TCF4: variants seen among roughly 807,000 people sequenced by gnomAD.
The protein encoded by TCF4 is SL3-3 enhancer factor 2.
In TCF4, 3 loss-of-function variants were observed where a neutral mutation model predicts 82.1. The observed-to-expected ratio is 0.04, with a 90% confidence interval of 0.02 to 0.09. The LOEUF is 0.09. Ranked by LOEUF, TCF4 falls within the 10% of genes least tolerant of loss-of-function variation. The pLI is 1.00. For synonymous variants in TCF4, 276 were observed against 309.6 expected, an observed-to-expected ratio of 0.89 and a Z score of 1.14; for missense variants, 518 against 852.7, an observed-to-expected ratio of 0.61 and a Z score of 4.89.
At chr18:55,422,102 A>C (rs949805256) in intron 5 of TCF4, 211 of 648,482 alleles carry the variant, frequency 3.3e-4, no homozygotes, top group Middle Eastern at 7.8e-4. Flanking sequence ...AAAAAGCACA[A>C]AAAAAAAAAA....
At chr18:55,444,078 C>G (rs1240966163) in intron 5 of TCF4, among the ~76,000 whole-genome samples, 1 of 152,176 alleles carries the variant, frequency 6.6e-6, no homozygotes. Context: ...CATCTCACTT[C>G]CTATATCAAC....
intron 3 of TCF4, among the ~76,000 whole-genome samples, chr18:55,500,272 C>T (rs979734158): frequency 6.6e-6 from 1 of 152,148 alleles, no homozygotes; most frequent in Non-Finnish European, 1.5e-5. Context: ...ACCCCTAACT[C>T]GATTGCCAAC....
Position 55,364,361 on chromosome 18 carries a change from G to C in TCF4, c.370-13358C>G, listed in dbSNP as rs138905124. ...TGGTAAATTTACATTTAATGAAAAA[G>C]CATGTTTTTAAAAGTAGCTTCTGTA... On this transcript the variant is annotated intron_variant, in intron 6 of 19. Transcript: ENST00000354452. Among the ~76,000 whole-genome samples, 603 of 152,186 alleles carry C rather than the reference G, an allele frequency of 4.0e-3. 32 individuals are homozygous for C. The South Asian group carries it at 0.11, about 27-fold the overall frequency.
At chr18:55,400,921 A>G in intron 6 of TCF4, 3 of 1,279,160 alleles carry the variant, frequency 2.3e-6, no homozygotes, top group Non-Finnish European at 3.1e-6. Flanking sequence ...AGGGCACACC[A>G]TCTGAAGGTT....
At chr18:55,229,415 C>G (rs1296028874) in intron 17 of TCF4, 3 of 345,500 alleles carry the variant, frequency 8.7e-6, no homozygotes, top group Non-Finnish European at 1.1e-5. Flanking sequence ...CTCTGCAAAG[C>G]AGGCATTCAC....
intron 6 of TCF4, among the ~76,000 whole-genome samples, chr18:55,398,801 G>A (rs1343674068): frequency 6.6e-6 from 1 of 152,166 alleles, no homozygotes; most frequent in East Asian, 1.9e-4. Context: ...TCAGGATAAA[G>A]CAGACATGGT....
At chr18:55,426,884 G>A (rs1044866461) in intron 5 of TCF4, among the ~76,000 whole-genome samples, 1 of 151,856 alleles carries the variant, frequency 6.6e-6, no homozygotes, top group Non-Finnish European at 1.5e-5. Flanking sequence ...ACTCCTCAAA[G>A]CTTCTAGTGT....
chr18:55,241,975 C>T (rs1250792662), intron 15 of TCF4, among the ~76,000 whole-genome samples: 1 of 152,150 alleles, frequency 6.6e-6, no homozygotes, highest in Non-Finnish European at 1.5e-5. Flanking sequence ...TTAAATTCCT[C>T]ACTATCAATG....
intron 8 of TCF4, among the ~76,000 whole-genome samples, chr18:55,327,961 A>AT (rs2076861547): frequency 6.6e-6 from 1 of 152,194 alleles, no homozygotes; most frequent in Non-Finnish European, 1.5e-5. Flanking sequence ...TTCAATGAGT[A>AT]TGCCATTATC....
intron 2 of TCF4, among the ~76,000 whole-genome samples, chr18:55,594,393 G>A (rs949017168): frequency 2.6e-5 from 4 of 152,110 alleles, no homozygotes; most frequent in African/African-American, 9.7e-5. Context: ...ACTCCATGAT[G>A]CCAGAGTACA....
chr18:55,370,427 TGATAGATAGATAGATAGATA>T (rs10566649), intron 6 of TCF4, among the ~76,000 whole-genome samples: 224 of 145,074 alleles, frequency 1.5e-3, no homozygotes, highest in African/African-American at 4.8e-3. Context: ...GATAGACAGA[TGATAGATAGATAGATAGATA>T]GATAGATAGA....
intron 2 of TCF4, among the ~76,000 whole-genome samples, chr18:55,615,138 T>C (rs541501624): frequency 3.5e-3 from 538 of 152,210 alleles, no homozygotes; most frequent in Middle Eastern, 0.017. Context: ...AAGATTTTCA[T>C]TGGGACCATG....
chr18:55,605,030 A>C (rs2097701007), intron 2 of TCF4, among the ~76,000 whole-genome samples: 3 of 152,156 alleles, frequency 2.0e-5, no homozygotes, highest in Admixed American at 1.3e-4. Flanking sequence ...CAGCTGGAAC[A>C]CCTCACTGGG....
At chr18:55,375,783 C>T (rs960777465) in intron 6 of TCF4, among the ~76,000 whole-genome samples, 2 of 151,884 alleles carry the variant, frequency 1.3e-5, no homozygotes, top group Admixed American at 1.3e-4. Context: ...GAAAAAAACA[C>T]AAAGAATAAA....
chr18:55,477,346 C>T (rs1386314801), intron 3 of TCF4, among the ~76,000 whole-genome samples: 2 of 152,166 alleles, frequency 1.3e-5, no homozygotes, highest in Admixed American at 6.5e-5. Context: ...TTGCATAAGA[C>T]ATACTTTCAC....
At chr18:55,622,194 TC>T (rs1473429573) in intron 2 of TCF4, among the ~76,000 whole-genome samples, 1 of 1,008 alleles carries the variant, frequency 9.9e-4, no homozygotes, top group African/African-American at 1.1e-3. Flanking sequence ...CACACCCTCT[TC>T]TTTTCTTTTA....
rs1568500419 is a variant in TCF4 at position 55,621,530 on chromosome 18, A to ATAATGTACAAT, written c.286+9767_286+9768insATTGTACATTA. 3.7e-4 allele frequency among the ~76,000 whole-genome samples: 21 copies of ATAATGTACAAT among 57,308 alleles called. 5 individuals carry two copies. The highest frequency in any genetic ancestry group is 7.8e-4 in the African/African-American group (11 of 14,114). 37.6% of individuals were successfully genotyped at this position (57,308 alleles called of 152,430 possible). On this transcript the variant is annotated intron_variant, in intron 2 of 20. Transcript: ENST00000398339. ...ATATATATATTATATAATATTATAT[A>ATAATGTACAAT]ATATATATATTATATTATATATTAT...
chr18:55,326,168 G>A (rs1052504018), intron 8 of TCF4, among the ~76,000 whole-genome samples: 1 of 152,034 alleles, frequency 6.6e-6, no homozygotes, highest in Non-Finnish European at 1.5e-5. Flanking sequence ...AAACTTGAGG[G>A]TCAGACACAT....
intron 3 of TCF4, among the ~76,000 whole-genome samples, chr18:55,521,679 T>C (rs1260032475): frequency 6.6e-6 from 1 of 152,190 alleles, no homozygotes; most frequent in East Asian, 1.9e-4. Flanking sequence ...AATAACCCTT[T>C]TACCTTTGAT....
Sources: gnomAD v4.1 joint callset for allele counts (sites outside exome capture counted in the v4.1 genomes callset) on GRCh38, gnomAD v4.1.1 for gene constraint, MANE v1.5 for transcripts, NCBI Gene and HGNC (gene_info 2026-07-23, HGNC 2026-07-21) for gene names.